The following DNAJC11 variants were observed in gnomAD, a reference collection of about 807,000 sequenced individuals.
The protein encoded by DNAJC11 is dnaJ homolog subfamily C member 11.
In DNAJC11, 15 loss-of-function variants were observed where a neutral mutation model predicts 78.6. The ratio of observed to expected loss-of-function variants is 0.19; its 90% CI spans 0.13 to 0.29. The LOEUF (loss-of-function observed/expected upper bound fraction) is 0.29, where lower values mean the gene tolerates loss of function less well. Ranked by LOEUF, DNAJC11 falls within the 10% of genes least tolerant of loss-of-function variation. The pLI is 1.00. For synonymous variants in DNAJC11, 292 were observed against 272.1 expected, an observed-to-expected ratio of 1.07 and a Z score of -0.72; for missense variants, 547 against 709.6, an observed-to-expected ratio of 0.77 and a Z score of 2.60.
At chr1:6,695,592 C>T (rs1642821395) in intron 1 of DNAJC11, among the ~76,000 whole-genome samples, 1 of 132,330 alleles carries the variant, frequency 7.6e-6, no homozygotes. Context: ...GAGTTTGAGA[C>T]CAGTCTGGCC....
intron 1 of DNAJC11, among the ~76,000 whole-genome samples, chr1:6,684,364 G>C (rs1487469151): frequency 6.6e-6 from 1 of 152,212 alleles, no homozygotes; most frequent in Non-Finnish European, 1.5e-5. Context: ...TTACAGGCGT[G>C]AGCCACTGCA....
At position 6,678,439 on chromosome 1, in the gene DNAJC11, G is replaced by C. The variant is rs1222024349; in HGVS notation, c.231C>G (p.Ile77Met). Residue 77 changes from isoleucine to methionine, a missense_variant, in exon 3 of 16, where the codon ATC becomes ATG. Coordinates refer to ENST00000377577, the MANE Select transcript of DNAJC11 (RefSeq NM_018198.4). ...GTCCTCTCTTCCCATATATATCATAGATGGCCCTGGTTTGGGGGTCACTAA... is the reference window on the plus strand; with the variant it reads ...GTCCTCTCTTCCCATATATATCATACATGGCCCTGGTTTGGGGGTCACTAA... ...EVLSDPQTRA[I>M]YDIYGKRGLE... 6.2e-7 allele frequency: 1 copy of C among 1,613,816 alleles called. No homozygotes were observed. The highest frequency in any genetic ancestry group is 1.1e-5 in the South Asian group (1 of 91,046).
chr1:6,640,691 G>C (rs966389477), intron 10 of DNAJC11, among the ~76,000 whole-genome samples: 5 of 152,158 alleles, frequency 3.3e-5, no homozygotes, highest in Admixed American at 6.5e-5. Context: ...AATTAGCCGG[G>C]CGTGGTGGTA....
At chr1:6,685,459 C>A (rs1171159017) in intron 1 of DNAJC11, among the ~76,000 whole-genome samples, 3 of 152,196 alleles carry the variant, frequency 2.0e-5, no homozygotes. Flanking sequence ...TGGATCCTGA[C>A]ATACCTAAAT....
rs892777191 is a variant in DNAJC11 at position 6,635,501 on chromosome 1, A to G, written c.*174T>C. 47 of 685,232 alleles carry G rather than the reference A, an allele frequency of 6.9e-5. No homozygotes were observed. The highest frequency in any genetic ancestry group is 1.1e-4 in the Non-Finnish European group (46 of 410,238). 42.4% of individuals were successfully genotyped at this position (685,232 alleles called of 1,614,324 possible). On this transcript the variant is annotated 3_prime_UTR_variant, in exon 16 of 16. Transcript: ENST00000377577. ...GGGCTGCCTCAGTCCTACCCCCAGCACCCTCAAAAGCTGGGGTGTCTGCAT... is the reference window on the plus strand; with the variant it reads ...GGGCTGCCTCAGTCCTACCCCCAGCGCCCTCAAAAGCTGGGGTGTCTGCAT...
At position 6,685,415 on chromosome 1, in the gene DNAJC11, C is replaced by G. The variant is rs1390515734; in HGVS notation, c.73-4378G>C. ...ACAGGATGTGTGATGATCTTGGGAA[C>G]AAACGTGAGCCTAAAAGAGGCAATC... On this transcript the variant is annotated intron_variant, in intron 1 of 15. Transcript: ENST00000377577. 2.0e-5 allele frequency among the ~76,000 whole-genome samples: 3 copies of G among 152,194 alleles called. No homozygotes were observed. In the East Asian group the frequency reaches 5.8e-4, roughly 29 times the overall value.
chr1:6,645,941 G>A lies in DNAJC11; in HGVS notation c.742C>T (p.Arg248Cys). 1.9e-6 allele frequency: 3 copies of A among 1,614,142 alleles called. No individual in the cohort carries two copies. The highest frequency in any genetic ancestry group is 1.3e-5 in the African/African-American group (1 of 75,030). Residue 248 changes from arginine to cysteine, a missense_variant, in exon 8 of 16, where the codon CGT becomes TGT. By Grantham distance (180) the Arg-to-Cys change is radical (BLOSUM62 -3). Coordinates refer to ENST00000377577, the MANE Select transcript of DNAJC11 (RefSeq NM_018198.4). This position sits in a 1 kb window ranked among gnomAD's most constrained non-coding sequence, Gnocchi z 4.1. ...GTGGTCAGGCCGGGTCGGATTCCAC[G>A]GGATGAAAACTGCAGAGCACAGTTT... ...TTNCALQFSS[R>C]GIRPGLTTVL...
chr1:6,662,674 C>T lies in DNAJC11; in HGVS notation c.378+5035G>A, dbSNP rs142451348. On this transcript the variant is annotated intron_variant, in intron 4 of 15. Coordinates refer to ENST00000377577, the MANE Select transcript of DNAJC11 (RefSeq NM_018198.4). ...AGGATTGTAAATGCACCAATCAGCTCGCTGTAAAAAGCACCAATTAGTGCT... is the reference window on the plus strand; with the variant it reads ...AGGATTGTAAATGCACCAATCAGCTTGCTGTAAAAAGCACCAATTAGTGCT... Among the ~76,000 whole-genome samples, 295 of 152,254 alleles carry T rather than the reference C, an allele frequency of 1.9e-3. 1 individual carries two copies. Among genetic ancestry groups the T allele is most frequent in the African/African-American group, 6.5e-3 (271 of 41,552 alleles).
rs755485394 is a variant in DNAJC11 at position 6,680,843 on chromosome 1, C to T, written c.202+65G>A. Reference sequence around the variant, plus strand: ...CTCTCTTTTTCTATCCTCTACAAATCGCACCTCCTAAAAATCGAATATCTG... The same window carrying T: ...CTCTCTTTTTCTATCCTCTACAAATTGCACCTCCTAAAAATCGAATATCTG... On this transcript the variant is annotated intron_variant, in intron 2 of 15. Coordinates refer to ENST00000377577, the MANE Select transcript of DNAJC11 (RefSeq NM_018198.4). This position sits in a 1 kb window ranked among gnomAD's most constrained non-coding sequence, Gnocchi z 4.0. 40 of 1,585,096 alleles carry T rather than the reference C, an allele frequency of 2.5e-5. No individual in the cohort carries two copies. The highest frequency in any genetic ancestry group is 1.9e-4 in the Admixed American group (11 of 57,818).
chr1:6,647,804 A>G (rs1213444767), intron 7 of DNAJC11, among the ~76,000 whole-genome samples: 1 of 151,976 alleles, frequency 6.6e-6, no homozygotes, highest in Non-Finnish European at 1.5e-5. Context: ...ACAGAGCAAG[A>G]CTCCGTCTCA....
At chr1:6,674,604 C>T (rs1324219089) in intron 3 of DNAJC11, among the ~76,000 whole-genome samples, 1 of 151,912 alleles carries the variant, frequency 6.6e-6, no homozygotes, top group Non-Finnish European at 1.5e-5. Flanking sequence ...TGATGCATGC[C>T]TGTAGTCTCA....
chr1:6,635,904 C>T (rs1374939781), intron 15 of DNAJC11, among the ~76,000 whole-genome samples: 1 of 152,224 alleles, frequency 6.6e-6, no homozygotes, highest in Non-Finnish European at 1.5e-5. Context: ...CCAACGCGCT[C>T]ACTCTAATTC....
rs1483488132 is a variant in DNAJC11, at chr1:6,645,636, G to T, written c.894+153C>A. Reference sequence around the variant, plus strand: ...ACTCGAAGGTTCCACCAGGTCACTCGAGTGTGAGCACCGAGAGCCTGCCCC... The same window carrying T: ...ACTCGAAGGTTCCACCAGGTCACTCTAGTGTGAGCACCGAGAGCCTGCCCC... On this transcript the variant is annotated intron_variant, in intron 8 of 15. Coordinates refer to ENST00000377577, the MANE Select transcript of DNAJC11 (RefSeq NM_018198.4). This position sits in a 1 kb window ranked among gnomAD's most constrained non-coding sequence, Gnocchi z 4.1. 6.6e-6 allele frequency among the ~76,000 whole-genome samples: 1 copy of T among 152,194 alleles called. No individual in the cohort carries two copies. Among genetic ancestry groups the T allele is most frequent in the Non-Finnish European group, 1.5e-5 (1 of 68,024 alleles).
chr1:6,666,131 T>C (rs1047430411), intron 4 of DNAJC11, among the ~76,000 whole-genome samples: 23 of 152,190 alleles, frequency 1.5e-4, no homozygotes, highest in Non-Finnish European at 2.6e-4. Context: ...TACACTTTTT[T>C]CCCAAGAGAA....
At chr1:6,685,082 G>A (rs981156624) in intron 1 of DNAJC11, among the ~76,000 whole-genome samples, 1 of 152,156 alleles carries the variant, frequency 6.6e-6, no homozygotes, top group Non-Finnish European at 1.5e-5. Flanking sequence ...AGACCAGTTT[G>A]AGCAACATAG....
Position 6,643,226 on chromosome 1 carries a change from T to G in DNAJC11, c.1097+1332A>C, listed in dbSNP as rs992594211. 2.0e-5 allele frequency among the ~76,000 whole-genome samples: 3 copies of G among 151,694 alleles called. No homozygotes were observed. In the East Asian group the frequency reaches 5.8e-4, roughly 29 times the overall value. ...GAGGGCTGGTTTTGCTGGAGAGGCC[T>G]GACTGGAGCACGTTTAGAAAGAAAG... On this transcript the variant is annotated intron_variant, in intron 10 of 15. Transcript: ENST00000377577.
chr1:6,657,348 T>C (rs111793570), intron 4 of DNAJC11, among the ~76,000 whole-genome samples: 1,528 of 152,274 alleles, frequency 0.01, 8 homozygotes, highest in Non-Finnish European at 0.016. Context: ...GAGACAGCGA[T>C]GCCAGCCACC....
In DNAJC11 at chr1:6,653,859, C is replaced by T. The variant is rs1468023345; in HGVS notation, c.507+52G>A. On this transcript the variant is annotated intron_variant, in intron 5 of 15. Transcript: ENST00000377577. The surrounding 1 kb of genome is among the most constrained non-coding windows in gnomAD (Gnocchi z 4.5). ...CATTCCAGCTGCTTGGTGTGCTGTG[C>T]CTCATTAACTCGAGCCCTTGCTGTA... 2 of 1,598,946 alleles carry T rather than the reference C, an allele frequency of 1.3e-6. No individual in the cohort carries two copies. The highest frequency in any genetic ancestry group is 1.7e-6 in the Non-Finnish European group (2 of 1,169,426).
At chr1:6,694,961 CGA>C (rs1420955840) in intron 1 of DNAJC11, among the ~76,000 whole-genome samples, 4 of 130,260 alleles carry the variant, frequency 3.1e-5, no homozygotes, top group Non-Finnish European at 6.3e-5. Context: ...GGCAACAAAG[CGA>C]GACTCCGAAT....
Sources: allele counts gnomAD v4.1 joint callset (sites outside exome capture counted in the v4.1 genomes callset), GRCh38; gene constraint gnomAD v4.1.1; non-coding constraint Gnocchi (gnomAD v3.1); transcripts MANE v1.5; gene names NCBI Gene and HGNC (gene_info 2026-07-23, HGNC 2026-07-21).